Variants in MGMT observed in about 807,000 individuals in gnomAD.
MGMT encodes the protein O-6-methylguanine-DNA methyltransferase, also known as methylated-DNA--protein-cysteine methyltransferase.
MGMT carries 14 observed loss-of-function variants against 15.9 expected under a neutral mutation model. That is an observed-to-expected ratio of 0.88 (90% CI 0.58 to 1.37). MGMT has a LOEUF of 1.37. MGMT is among the 40% of genes most tolerant of loss of function. The pLI, the probability that MGMT is intolerant of heterozygous loss-of-function variation, is 0.00. For synonymous variants in MGMT, 130 were observed against 118.2 expected, an observed-to-expected ratio of 1.10 and a Z score of -0.65; for missense variants, 282 against 268.1, an observed-to-expected ratio of 1.05 and a Z score of -0.36.
chr10:129,715,018 G>A (rs78815056), intron 3 of MGMT, among the ~76,000 whole-genome samples: 5,014 of 152,206 alleles, frequency 0.033, 211 homozygotes, highest in African/African-American at 0.1. Flanking sequence ...TCCGTGAGTC[G>A]GGGGTAAAGG....
chr10:129,707,149 C>T (rs771799092), intron 2 of MGMT, among the ~76,000 whole-genome samples: 3 of 152,070 alleles, frequency 2.0e-5, no homozygotes, highest in South Asian at 2.1e-4. Context: ...TGGTGGCAGT[C>T]GCCTGTAATC....
rs960491992 is a variant in MGMT at position 129,707,982 on chromosome 10, C to T, written c.213C>T (p.His71=). Residue 71 remains histidine, a synonymous_variant, in exon 3 of 5, where the codon CAC becomes CAT. Coordinates refer to ENST00000651593, the MANE Select transcript of MGMT (RefSeq NM_002412.5). ...CAGCCTGGCTGAATGCCTATTTCCA[C>T]CAGCCCGAGGCTATCGAAGAGTTCC... The part of the protein sequence containing the change: ...QCTAWLNAYF[H]QPEAIEEFPV... The T allele has an allele frequency of 1.9e-5, 31 of 1,613,722 alleles. No individual in the cohort carries two copies. Among genetic ancestry groups the T allele is most frequent in the Non-Finnish European group, 2.6e-5 (31 of 1,180,034 alleles).
chr10:129,623,846 T>A (rs1847116659), intron 2 of MGMT, among the ~76,000 whole-genome samples: 2 of 152,194 alleles, frequency 1.3e-5, no homozygotes, highest in Non-Finnish European at 2.9e-5. Context: ...TTCAAACAGG[T>A]ATCTCCATTT....
chr10:129,655,022 T>G (rs7916547), intron 2 of MGMT, among the ~76,000 whole-genome samples: 67,634 of 152,046 alleles, frequency 0.44, 17,065 homozygotes, highest in African/African-American at 0.68. Context: ...AGGAAACCAT[T>G]CAGGCTCGAT....
At chr10:129,529,673 CAG>C (rs1845908650) in intron 1 of MGMT, among the ~76,000 whole-genome samples, 1 of 44,124 alleles carries the variant, frequency 2.3e-5, no homozygotes, top group South Asian at 5.1e-4. Flanking sequence ...TTTTTTAACT[CAG>C]AATTATTTTA....
Position 129,766,853 on chromosome 10 carries a change from A to G in MGMT, c.480A>G (p.Gly160=). The change falls in exon 5 of 5, where the codon GGA becomes GGG. Residue 160 remains glycine (G), a synonymous_variant. Transcript: ENST00000651593. ...GCGGAGCCGTGGGCAACTACTCCGG[A>G]GGACTGGCCGTGAAGGAATGGCTTC... ...CSSGAVGNYS[G]GLAVKEWLLA... 1 of 1,613,756 alleles carries G rather than the reference A, an allele frequency of 6.2e-7. No individual in the cohort carries two copies. Among genetic ancestry groups the G allele is most frequent in the Non-Finnish European group, 8.5e-7 (1 of 1,180,024 alleles).
chr10:129,507,771 GT>G (rs1845640863), intron 1 of MGMT, among the ~76,000 whole-genome samples: 1 of 152,196 alleles, frequency 6.6e-6, no homozygotes. Flanking sequence ...GTTTGCCAGG[GT>G]TTTGATTGTA....
At chr10:129,697,003 C>T (rs10829620) in intron 2 of MGMT, among the ~76,000 whole-genome samples, 56,108 of 152,118 alleles carry the variant, frequency 0.37, 11,387 homozygotes, top group Non-Finnish European at 0.45. Context: ...GTTGTGTGGA[C>T]AGGTCACTGA....
intron 2 of MGMT, among the ~76,000 whole-genome samples, chr10:129,575,740 C>T (rs1351065601): frequency 2.0e-5 from 3 of 151,900 alleles, no homozygotes; most frequent in Admixed American, 6.6e-5. Context: ...ATCAATGAAT[C>T]CAGGAGCTGA....
Position 129,768,598 on chromosome 10 carries a change from C to G in MGMT, c.*1601C>G, listed in dbSNP as rs1404995065. ...AGATGATGGCCCTCCCCAGTGATGG[C>G]CGGTCACCAGGCACGGCTTTCCCCT... On this transcript the variant is annotated 3_prime_UTR_variant, in exon 5 of 5. Transcript: ENST00000651593. Among the ~76,000 whole-genome samples the G allele has an allele frequency of 6.6e-6, 1 of 152,246 alleles. No individual in the cohort carries two copies. The highest frequency in any genetic ancestry group is 2.4e-5 in the African/African-American group (1 of 41,472).
intron 1 of MGMT, among the ~76,000 whole-genome samples, chr10:129,527,112 G>T (rs914472250): frequency 2.6e-5 from 4 of 152,340 alleles, no homozygotes; most frequent in Admixed American, 1.3e-4. Flanking sequence ...GGGGACATTA[G>T]GAAGCCCGAC....
chr10:129,608,246 A>C (rs1400430269), intron 2 of MGMT, among the ~76,000 whole-genome samples: 1 of 152,240 alleles, frequency 6.6e-6, no homozygotes, highest in African/African-American at 2.4e-5. Flanking sequence ...TAGTATATAC[A>C]CAGAAGAATG....
intron 3 of MGMT, among the ~76,000 whole-genome samples, chr10:129,714,125 C>T (rs1005114376): frequency 3.3e-5 from 5 of 152,222 alleles, no homozygotes; most frequent in African/African-American, 7.2e-5. Flanking sequence ...AGCCCCTAGG[C>T]GCCCCGAGCT....
chr10:129,518,131 G>C (rs34697114), intron 1 of MGMT, among the ~76,000 whole-genome samples: 37,067 of 151,656 alleles, frequency 0.24, 5,355 homozygotes, highest in African/African-American at 0.41. Flanking sequence ...ATCAGGAAGC[G>C]TATCTCACCG....
At chr10:129,642,169 T>A (rs557594491) in intron 2 of MGMT, among the ~76,000 whole-genome samples, 8 of 152,066 alleles carry the variant, frequency 5.3e-5, no homozygotes, top group African/African-American at 1.9e-4. Context: ...GAAAAGTGCC[T>A]CTTCACTCCC....
rs528200884 is a variant in MGMT at position 129,767,255 on chromosome 10, G to T, written c.*258G>T. The T allele has an allele frequency of 1.0e-3, 357 of 342,404 alleles. 1 individual carries two copies. The highest frequency in any genetic ancestry group is 7.1e-3 in the African/African-American group (331 of 46,654). The allele number at this position is 342,404 out of a possible 1,614,324, so 21.2% of individuals were successfully genotyped here. A position where few individuals can be genotyped will look rare whatever the true frequency, so the allele number is the denominator to read the frequency against. ...AGGCCAAGTGAGTGTGGAAGGCCTG[G>T]CTCATGTTGGGCCACAGCCCAGGAT... On this transcript the variant is annotated 3_prime_UTR_variant, in exon 5 of 5. Transcript: ENST00000651593.
chr10:129,646,000 G>T (rs1331549242), intron 2 of MGMT, among the ~76,000 whole-genome samples: 1 of 152,148 alleles, frequency 6.6e-6, no homozygotes, highest in Non-Finnish European at 1.5e-5. Flanking sequence ...TTGTGACCAA[G>T]TCGTTTCCTT....
At chr10:129,608,745 C>G (rs1846923817) in intron 2 of MGMT, among the ~76,000 whole-genome samples, 2 of 152,112 alleles carry the variant, frequency 1.3e-5, no homozygotes, top group Non-Finnish European at 1.5e-5. Context: ...TTGGTGATTT[C>G]TTTGGGAGGG....
chr10:129,654,652 T>A (rs575783521), intron 2 of MGMT, among the ~76,000 whole-genome samples: 51 of 151,858 alleles, frequency 3.4e-4, no homozygotes, highest in Non-Finnish European at 2.8e-4. Flanking sequence ...GGTGGGTAAG[T>A]CCCTGGAGAG....
Sources: allele counts gnomAD v4.1 joint callset (sites outside exome capture counted in the v4.1 genomes callset), GRCh38; gene constraint gnomAD v4.1.1; transcripts MANE v1.5; gene names NCBI Gene and HGNC (gene_info 2026-07-23, HGNC 2026-07-21).